The following SFXN3 variants were observed in gnomAD, a reference collection of about 807,000 sequenced individuals.
SFXN3 encodes sideroflexin 3.
In SFXN3, 31 loss-of-function variants were observed where a neutral mutation model predicts 40.4. The ratio of observed to expected loss-of-function variants is 0.77; its 90% CI spans 0.58 to 1.04. The LOEUF (loss-of-function observed/expected upper bound fraction) is 1.04. Ranked by LOEUF, SFXN3 falls within the 50% of genes least tolerant of loss-of-function variation. The pLI is 0.00. For missense variants in SFXN3, 366 were observed against 408.2 expected (o/e 0.90, Z 0.89); for synonymous variants, 157 against 160.0 (o/e 0.98, Z 0.14).
chr10:101,035,802 T>A, intron 4 of SFXN3, 135 bp downstream of exon 4: 1 of 1,287,292 alleles, frequency 7.8e-7, no homozygotes, highest in Non-Finnish European at 1.1e-6. Flanking sequence ...GAATTCAGCC[T>A]CAGGAGGTCT....
chr10:101,037,109 G>C (rs1938650947), exon 8 of SFXN3: 1 of 1,601,762 alleles, frequency 6.2e-7, no homozygotes, highest in African/African-American at 1.3e-5. Flanking sequence ...TGGCTGATGA[G>C]GCAGGTCAGA....
chr10:101,036,362 G>T lies in SFXN3; in HGVS notation c.432-124G>T, dbSNP rs749636503. 2 of 945,664 alleles carry T rather than the reference G, an allele frequency of 2.1e-6. No homozygotes were observed. The highest frequency in any genetic ancestry group is 1.6e-5 in the African/African-American group (1 of 60,878). The allele number at this position is 945,664 out of a possible 1,614,324, so 58.6% of individuals were successfully genotyped here. Reference sequence around the variant, plus strand: ...AGTTTACGCCGGAGATGGAGGGAAGGCTTCTTCTGCAAGGAGCTTCCCCTT... The same window carrying T: ...AGTTTACGCCGGAGATGGAGGGAAGTCTTCTTCTGCAAGGAGCTTCCCCTT... On this transcript the variant is annotated intron_variant, in intron 5 of 11. Transcript: ENST00000393459. This position sits in a 1 kb window ranked among gnomAD's most constrained non-coding sequence, Gnocchi z 4.2.
chr10:101,033,628 A>G (rs1448485319), intron 2 of SFXN3, among the ~76,000 whole-genome samples: 1 of 152,218 alleles, frequency 6.6e-6, no homozygotes, highest in African/African-American at 2.4e-5. Flanking sequence ...CAAAGTATAG[A>G]GAAACAACAG....
chr10:101,038,646 C>T lies in SFXN3; in HGVS notation c.775C>T (p.Arg259Cys), dbSNP rs201018843. 39 of 1,613,700 alleles carry T rather than the reference C, an allele frequency of 2.4e-5. No homozygotes were observed. The African/African-American group carries it at 3.7e-4, about 15-fold the overall frequency. ...TTGTCTTTCTGTCTCTCCACAGCGCCGCCCCTGGCTGGGGGCACCCCTGCA... is the reference window on the plus strand; with the variant it reads ...TTGTCTTTCTGTCTCTCCACAGCGCTGCCCCTGGCTGGGGGCACCCCTGCA... The change falls in exon 10 of 12, where the codon CGC (arginine) becomes TGC (cysteine). Residue 259 changes from arginine to cysteine, a missense_variant. Coordinates refer to ENST00000393459, the Ensembl canonical transcript of SFXN3.
Position 101,035,983 on chromosome 10 carries a change from G to T in SFXN3, c.333-20G>T, listed in dbSNP as rs1176652580. 3.1e-6 allele frequency: 5 copies of T among 1,601,840 alleles called. No individual in the cohort carries two copies. In the South Asian group the frequency reaches 4.4e-5, roughly 14 times the overall value. On this transcript the variant is annotated intron_variant, in intron 4 of 11. Coordinates refer to ENST00000393459, the Ensembl canonical transcript of SFXN3. ...GGGCCACTGTAGACGGGGCAGAAGT[G>T]AGTGTCTTTGTTCCCTCAGGAAGAC...
exon 4 of SFXN3, chr10:101,035,658 C>A (rs1170917551): frequency 6.2e-7 from 1 of 1,610,202 alleles, no homozygotes; most frequent in South Asian, 1.1e-5. Context: ...TGCATGCTCA[C>A]ATTCTACAGG....
rs1471733328 is a variant in SFXN3 at position 101,036,342 on chromosome 10, A to T, written c.432-144A>T. 1.2e-6 allele frequency: 1 copy of T among 838,408 alleles called. No individual in the cohort carries two copies. The highest frequency in any genetic ancestry group is 1.7e-5 in the African/African-American group (1 of 58,880). 51.9% of individuals were successfully genotyped at this position (838,408 alleles called of 1,614,324 possible). On this transcript the variant is annotated intron_variant, in intron 5 of 11. Coordinates refer to ENST00000393459, the Ensembl canonical transcript of SFXN3. The surrounding 1 kb of genome is among the most constrained non-coding windows in gnomAD (Gnocchi z 4.2). ...GCTACTGGGGCTTCTAGACAAGTTT[A>T]CGCCGGAGATGGAGGGAAGGCTTCT...
chr10:101,033,849 A>G (rs1938449827), intron 2 of SFXN3, among the ~76,000 whole-genome samples: 2 of 152,160 alleles, frequency 1.3e-5, no homozygotes, highest in Non-Finnish European at 2.9e-5. Context: ...TACTATGCCT[A>G]GATGTGCATG....
exon 2 of SFXN3, chr10:101,032,430 A>G: frequency 6.6e-7 from 1 of 1,510,784 alleles, no homozygotes; most frequent in Non-Finnish European, 8.9e-7. Context: ...CGGCGGCGAC[A>G]GCGGAGGCAG....
intron 1 of SFXN3, among the ~76,000 whole-genome samples, 181 bp downstream of exon 1, chr10:101,031,715 G>T (rs745746841): frequency 6.6e-6 from 1 of 152,122 alleles, no homozygotes; most frequent in Non-Finnish European, 1.5e-5. Flanking sequence ...AGACCGCGAG[G>T]TTCCTGGGGT....
rs1938816233 is a variant in SFXN3 at position 101,039,894 on chromosome 10, T to C, written c.*309T>C. On this transcript the variant is annotated 3_prime_UTR_variant, in exon 12 of 12. Coordinates refer to ENST00000393459, the Ensembl canonical transcript of SFXN3. The surrounding 1 kb of genome is among the most constrained non-coding windows in gnomAD (Gnocchi z 4.6). ...TAGAAGCAGGCATGCTAGCCTAGTA[T>C]GTTCTGACATCTGGCTTCCCTTCTC... 1 of 317,016 alleles carries C rather than the reference T, an allele frequency of 3.2e-6. No individual in the cohort carries two copies. The highest frequency in any genetic ancestry group is 4.3e-5 in the Admixed American group (1 of 23,478). 19.6% of individuals were successfully genotyped at this position (317,016 alleles called of 1,614,324 possible).
At chr10:101,035,498 G>T in exon 4 of SFXN3, 1 of 1,600,266 alleles carries the variant, frequency 6.2e-7, no homozygotes. Context: ...CTTCTGCAGG[G>T]CCGGCGTGGT....
At chr10:101,033,633 C>G (rs1185750366) in intron 2 of SFXN3, among the ~76,000 whole-genome samples, 1 of 152,160 alleles carries the variant, frequency 6.6e-6, no homozygotes, top group Non-Finnish European at 1.5e-5. Context: ...TATAGAGAAA[C>G]AACAGTGGGC....
In SFXN3 at chr10:101,035,683, C is replaced by A. The variant is rs752036514; in HGVS notation, c.332+16C>A. The stretch of plus-strand genomic sequence containing the variant: ...CATTCTACAGGCAGGTCTTGTCCCA[C>A]GTCCCCTTCTTCAGTGCCCTAAGCT... On this transcript the variant is annotated intron_variant, in intron 4 of 11. Coordinates refer to ENST00000393459, the Ensembl canonical transcript of SFXN3. 6.3e-7 allele frequency: 1 copy of A among 1,597,974 alleles called. No individual in the cohort carries two copies. Among genetic ancestry groups the A allele is most frequent in the South Asian group, 1.1e-5 (1 of 88,056 alleles).
At chr10:101,032,625 G>C in intron 2 of SFXN3, 143 bp downstream of exon 2, 1 of 959,728 alleles carries the variant, frequency 1.0e-6, no homozygotes, top group Non-Finnish European at 1.5e-6. Flanking sequence ...GGAGGTTGGG[G>C]GGAGGAATGT....
intron 3 of SFXN3, 131 bp downstream of exon 3, chr10:101,034,986 C>T: frequency 2.5e-6 from 3 of 1,220,836 alleles, no homozygotes; most frequent in Non-Finnish European, 2.3e-6. Flanking sequence ...CTAGCCCCGT[C>T]TGTTGGCATC....
intron 2 of SFXN3, among the ~76,000 whole-genome samples, chr10:101,033,292 T>C (rs1253220280): frequency 6.6e-6 from 1 of 152,132 alleles, no homozygotes; most frequent in Non-Finnish European, 1.5e-5. Context: ...GTGTGTAATA[T>C]ATATATTATA....
At position 101,035,993 on chromosome 10, in the gene SFXN3, G is replaced by A. The variant is rs557948184; in HGVS notation, c.333-10G>A. 2.4e-5 allele frequency: 38 copies of A among 1,612,044 alleles called. No individual in the cohort carries two copies. In the South Asian group the frequency reaches 4.2e-4, roughly 18 times the overall value. On this transcript the variant is annotated splice_polypyrimidine_tract_variant and intron_variant, in intron 4 of 11. Coordinates refer to ENST00000393459, the Ensembl canonical transcript of SFXN3. Reference sequence around the variant, plus strand: ...AGACGGGGCAGAAGTGAGTGTCTTTGTTCCCTCAGGAAGACCCCAACCGTG... The same window carrying A: ...AGACGGGGCAGAAGTGAGTGTCTTTATTCCCTCAGGAAGACCCCAACCGTG...
At position 101,037,915 on chromosome 10, in the gene SFXN3, C is replaced by G. The variant is rs531115790; in HGVS notation, c.771+484C>G. Reference sequence around the variant, plus strand: ...AGGGCTGAGGAGATGGCACTGAACACAATGGTTATGGCCCCTGTCCTCATG... The same window carrying G: ...AGGGCTGAGGAGATGGCACTGAACAGAATGGTTATGGCCCCTGTCCTCATG... On this transcript the variant is annotated intron_variant, in intron 9 of 11. Transcript: ENST00000393459. 86 of 930,336 alleles carry G rather than the reference C, an allele frequency of 9.2e-5. No homozygotes were observed. In the African/African-American group the frequency reaches 1.4e-3, roughly 15 times the overall value. 57.6% of individuals were successfully genotyped at this position (930,336 alleles called of 1,614,324 possible). A position where few individuals can be genotyped will look rare whatever the true frequency, so the allele number is the denominator to read the frequency against.
Sources: allele counts gnomAD v4.1 joint callset (sites outside exome capture counted in the v4.1 genomes callset), GRCh38; gene constraint gnomAD v4.1.1; non-coding constraint Gnocchi (gnomAD v3.1); transcripts MANE v1.5; gene names NCBI Gene and HGNC (gene_info 2026-07-23, HGNC 2026-07-21).